Variants in ADGRL3 observed in about 807,000 individuals in gnomAD.
The protein encoded by ADGRL3 is adhesion G protein-coupled receptor L3, also known as calcium-independent alpha-latrotoxin receptor 3.
A neutral mutation model predicts 153.5 loss-of-function variants in ADGRL3; 62 were observed. That is an observed-to-expected ratio of 0.40 (90% confidence interval 0.33 to 0.50). The LOEUF is 0.50. Among genes scored for constraint, ADGRL3 ranks in the 20% least tolerant of loss-of-function variants. The probability of loss-of-function intolerance (pLI) is 0.47; values close to 1 mark genes in which losing one functional copy is unlikely to be tolerated. For missense variants in ADGRL3, 1,641 were observed against 1,859.4 expected, an observed-to-expected ratio of 0.88 and a Z score of 2.16; for synonymous variants, 710 against 672.5, an observed-to-expected ratio of 1.06 and a Z score of -0.86.
intron 2 of ADGRL3, among the ~76,000 whole-genome samples, chr4:61,442,878 G>T (rs558031804): frequency 1.6e-4 from 25 of 152,224 alleles, no homozygotes; most frequent in African/African-American, 5.5e-4. Flanking sequence ...AGCATGGAAG[G>T]CTTTTGATGG....
At chr4:61,280,106 T>TG (rs2093656733) in intron 1 of ADGRL3, among the ~76,000 whole-genome samples, 1 of 104,022 alleles carries the variant, frequency 9.6e-6, no homozygotes, top group African/African-American at 3.5e-5. Flanking sequence ...TCTTTTCTTT[T>TG]CTTTTTCTTT....
intron 4 of ADGRL3, among the ~76,000 whole-genome samples, chr4:61,563,238 A>G (rs2098802847): frequency 6.6e-6 from 1 of 152,200 alleles, no homozygotes. Flanking sequence ...TGCATTGTAA[A>G]TAAGCAGTAA....
At chr4:61,853,772 C>G in intron 9 of ADGRL3, among the ~76,000 whole-genome samples, 1 of 152,170 alleles carries the variant, frequency 6.6e-6, no homozygotes, top group East Asian at 1.9e-4. Context: ...GAGATTTATT[C>G]TTACTTTCCA....
At chr4:61,858,065 C>T (rs1332670119) in intron 9 of ADGRL3, among the ~76,000 whole-genome samples, 1 of 152,134 alleles carries the variant, frequency 6.6e-6, no homozygotes, top group African/African-American at 2.4e-5. Context: ...ACAGAGGCCG[C>T]TTTGTGGGAA....
At chr4:61,852,627 T>C (rs1263093560) in intron 9 of ADGRL3, among the ~76,000 whole-genome samples, 1 of 152,180 alleles carries the variant, frequency 6.6e-6, no homozygotes, top group Non-Finnish European at 1.5e-5. Flanking sequence ...TTTAATTATT[T>C]AGTACAACAA....
Position 61,478,110 on chromosome 4 carries a change from CTT to C in ADGRL3, c.-173-19009_-173-19008del, listed in dbSNP as rs1012169357. Among the ~76,000 whole-genome samples the C allele has an allele frequency of 7.9e-5, 12 of 151,850 alleles. 1 individual carries two copies. Among genetic ancestry groups the C allele is most frequent in the African/African-American group, 2.9e-4 (12 of 41,384 alleles). On this transcript the variant is annotated intron_variant, in intron 2 of 26. Coordinates refer to ENST00000683033, the MANE Select transcript of ADGRL3 (RefSeq NM_001387552.1). ...AGAATAAAACATAAAATAATAATGA[CTT>C]TCATTTGGGACAGAATCTTCCATAG...
chr4:61,209,020 A>G (rs944970194), intron 1 of ADGRL3, among the ~76,000 whole-genome samples: 2 of 152,088 alleles, frequency 1.3e-5, no homozygotes, highest in East Asian at 3.9e-4. Context: ...CTTTTAAATG[A>G]GACTTTGGCA....
intron 2 of ADGRL3, among the ~76,000 whole-genome samples, chr4:61,471,871 G>C (rs2097959480): frequency 1.3e-5 from 2 of 151,876 alleles, no homozygotes; most frequent in South Asian, 4.1e-4. Flanking sequence ...ATCTCCAAAT[G>C]TCATGATTAC....
chr4:61,764,478 T>A (rs1385623886), intron 8 of ADGRL3, among the ~76,000 whole-genome samples: 1 of 149,822 alleles, frequency 6.7e-6, no homozygotes, highest in Non-Finnish European at 1.5e-5. Flanking sequence ...GGGATGCTTT[T>A]GGAGCCAGGA....
intron 2 of ADGRL3, among the ~76,000 whole-genome samples, chr4:61,425,974 G>T (rs78753191): frequency 0.011 from 1,650 of 152,294 alleles, 25 homozygotes; most frequent in African/African-American, 0.038. Flanking sequence ...GTCATCCTTG[G>T]TGTCTGTATC....
chr4:61,924,306 C>A (rs560845595), intron 13 of ADGRL3, among the ~76,000 whole-genome samples: 2 of 152,236 alleles, frequency 1.3e-5, no homozygotes, highest in East Asian at 3.9e-4. Context: ...TCTCCTCAAA[C>A]CCTTAAGCTT....
chr4:61,811,726 C>T (rs557769381), intron 8 of ADGRL3, among the ~76,000 whole-genome samples: 3 of 152,044 alleles, frequency 2.0e-5, no homozygotes, highest in South Asian at 4.2e-4. Context: ...TAAATGTAAT[C>T]GAAACTAATT....
chr4:61,905,868 C>T (rs2098693253), intron 11 of ADGRL3, among the ~76,000 whole-genome samples: 1 of 150,012 alleles, frequency 6.7e-6, no homozygotes, highest in African/African-American at 2.5e-5. Flanking sequence ...GCACTCCAGC[C>T]TCAGAGACAG....
chr4:62,077,915 A>T lies in ADGRL3; in HGVS notation c.*7007A>T, dbSNP rs1288579752. ...TTTGCCTGTGAACTAGAAAATCAAG[A>T]TTTGTAGAGTCAGGTTGATTTGCCT... is the stretch of plus-strand genomic sequence containing the variant. On this transcript the variant is annotated 3_prime_UTR_variant, in exon 27 of 27. Transcript: ENST00000683033. The T allele has an allele frequency of 6.6e-6, 1 of 151,942 alleles. No homozygotes were observed. Among genetic ancestry groups the T allele is most frequent in the East Asian group, 1.9e-4 (1 of 5,184 alleles). The allele number at this position is 151,942 out of a possible 1,614,324, so 9.4% of individuals were successfully genotyped here.
intron 5 of ADGRL3, among the ~76,000 whole-genome samples, chr4:61,619,990 G>A (rs1476055434): frequency 2.6e-5 from 4 of 151,960 alleles, no homozygotes; most frequent in African/African-American, 9.7e-5. Context: ...TAGAATTAGT[G>A]AGTAAAATCA....
intron 11 of ADGRL3, among the ~76,000 whole-genome samples, chr4:61,897,451 C>CTTAA (rs1178451606): frequency 6.6e-6 from 1 of 152,178 alleles, no homozygotes; most frequent in Non-Finnish European, 1.5e-5. Flanking sequence ...AGACATCATA[C>CTTAA]TTAACCACAA....
chr4:62,061,712 T>C (rs2151864670), intron 25 of ADGRL3, among the ~76,000 whole-genome samples: 1 of 152,186 alleles, frequency 6.6e-6, no homozygotes, highest in South Asian at 2.1e-4. Flanking sequence ...AATTACACAG[T>C]ATGTAAACTT....
At chr4:61,800,249 T>C (rs957518104) in intron 8 of ADGRL3, among the ~76,000 whole-genome samples, 3 of 152,194 alleles carry the variant, frequency 2.0e-5, no homozygotes, top group Non-Finnish European at 4.4e-5. Flanking sequence ...ATGGGATATA[T>C]AGATACAGAT....
At chr4:61,538,053 G>A (rs554853902) in intron 4 of ADGRL3, among the ~76,000 whole-genome samples, 6 of 152,138 alleles carry the variant, frequency 3.9e-5, no homozygotes, top group South Asian at 2.1e-4. Flanking sequence ...TTTTTGTACC[G>A]CTGGAGTTTT....
Sources: allele counts gnomAD v4.1 joint callset (sites outside exome capture counted in the v4.1 genomes callset), GRCh38; gene constraint gnomAD v4.1.1; transcripts MANE v1.5; gene names NCBI Gene and HGNC (gene_info 2026-07-23, HGNC 2026-07-21).